Variants in DMXL1 observed in about 807,000 individuals in gnomAD.
DMXL1 encodes Dmx like 1.
DMXL1 carries 99 observed loss-of-function variants against 319.2 expected under a neutral mutation model. The ratio of observed to expected loss-of-function variants is 0.31; its 90% CI spans 0.26 to 0.37. The LOEUF (loss-of-function observed/expected upper bound fraction) is 0.37, where lower values mean the gene tolerates loss of function less well. DMXL1 is among the 10% of genes least tolerant of loss of function. The pLI, the probability that DMXL1 is intolerant of heterozygous loss-of-function variation, is 1.00. For missense variants in DMXL1, 3,745 were observed against 3,595.6 expected, an observed-to-expected ratio of 1.04 and a Z score of -1.06; for synonymous variants, 1,385 against 1,235.2, an observed-to-expected ratio of 1.12 and a Z score of -2.54.
chr5:119,207,558 G>C (rs1015851206), intron 34 of DMXL1, among the ~76,000 whole-genome samples: 2 of 152,074 alleles, frequency 1.3e-5, no homozygotes, highest in Non-Finnish European at 2.9e-5. Flanking sequence ...TCGCTCTTTT[G>C]CCCAGGCTGG....
At chr5:119,084,052 A>G (rs1752790665) in intron 1 of DMXL1, among the ~76,000 whole-genome samples, 1 of 151,554 alleles carries the variant, frequency 6.6e-6, no homozygotes, top group African/African-American at 2.4e-5. Context: ...GATGTTGAAC[A>G]TTTTTTCATA....
chr5:119,240,558 C>A, intron 42 of DMXL1, 87 bp downstream of exon 42: 1 of 978,074 alleles, frequency 1.0e-6, no homozygotes, highest in Non-Finnish European at 1.6e-6. Flanking sequence ...TTACTGATGA[C>A]ACATATATTT....
Position 119,220,480 on chromosome 5 carries a change from A to C in DMXL1, c.8022A>C (p.Arg2674Ser), listed in dbSNP as rs1784464212. Residue 2674 changes from arginine to serine, a missense_variant, in exon 36 of 44, where the codon AGA becomes AGC. Arg to Ser is a moderately radical substitution (Grantham distance 110). This residue lies in a region of DMXL1 where 1,382 missense variants were observed against 1,269.5 expected (regional missense o/e 1.09). Transcript: ENST00000539542. ...TTTGACTTATTTTTCAGGCAAATAG[A>C]AACTGCATAGCAATCGCTTCCAGTC... is the stretch of plus-strand genomic sequence containing the variant. ...ITAFAVNKAN[R>S]NCIAIASSHD... 1 of 1,612,990 alleles carries C rather than the reference A, an allele frequency of 6.2e-7. No homozygotes were observed. Among genetic ancestry groups the C allele is most frequent in the Non-Finnish European group, 8.5e-7 (1 of 1,179,686 alleles).
intron 34 of DMXL1, among the ~76,000 whole-genome samples, chr5:119,212,383 G>T (rs1195300193): frequency 6.6e-6 from 1 of 152,184 alleles, no homozygotes; most frequent in Non-Finnish European, 1.5e-5. Flanking sequence ...GCATGTGTCA[G>T]AATTTCCTTT....
At chr5:119,205,948 G>A (rs930649998) in intron 33 of DMXL1, among the ~76,000 whole-genome samples, 1 of 152,002 alleles carries the variant, frequency 6.6e-6, no homozygotes, top group Non-Finnish European at 1.5e-5. Flanking sequence ...TATTTTGGAT[G>A]GCAGGTGATG....
rs1194742005 is a variant in DMXL1 at position 119,129,227 on chromosome 5, A to G, written c.1119A>G (p.Pro373=). 9 of 1,609,610 alleles carry G rather than the reference A, an allele frequency of 5.6e-6. No individual in the cohort carries two copies. The highest frequency in any genetic ancestry group is 5.1e-6 in the Non-Finnish European group (6 of 1,177,638). The change falls in exon 10 of 44, where the codon CCA becomes CCG. Residue 373 remains proline (P), a synonymous_variant. Transcript: ENST00000539542. ...CTCTTATAGACATTCCACTTCTTCC[A>G]TCTATTACATCTCTGAGTCTAAATG... ...INPATDIPLL[P]SITSLSLNEN...
chr5:119,089,282 A>ATATATATATATATG, intron 1 of DMXL1, among the ~76,000 whole-genome samples: 1 of 22,994 alleles, frequency 4.3e-5, no homozygotes, highest in South Asian at 2.3e-3. Context: ...ATATACATAT[A>ATATATATATATATG]TATATATATA....
At chr5:119,128,085 A>C (rs1041912010) in intron 9 of DMXL1, 4 of 468,850 alleles carry the variant, frequency 8.5e-6, no homozygotes, top group African/African-American at 2.0e-5. Context: ...AACAATTACT[A>C]TTACCCATTG....
chr5:119,166,732 AT>A lies in DMXL1; in HGVS notation c.5089del (p.Ser1697LeufsTer7). 1 of 1,612,608 alleles carries A rather than the reference AT, an allele frequency of 6.2e-7. No homozygotes were observed. Among genetic ancestry groups the A allele is most frequent in the Non-Finnish European group, 8.5e-7 (1 of 1,179,472 alleles). ...TTGCTAGGCAAACAAAGATTTGAAC[AT>A]TCTGCAGCATTTTTTCTTTTAGCTG... is the stretch of plus-strand genomic sequence containing the variant. Reference protein sequence around the residue: ...FSLLGKQRFEHSAAFFLLAGC... With the variant: ...FSLLGKQRFEXSAAFFLLAGC... On this transcript the variant is annotated frameshift_variant, in exon 22 of 44. Transcript: ENST00000539542. LOFTEE classifies it high-confidence loss of function.
chr5:119,215,730 T>C lies in DMXL1; in HGVS notation c.7927-1171T>C, dbSNP rs144380332. On this transcript the variant is annotated intron_variant, in intron 34 of 43. Transcript: ENST00000539542. ...TATCAAAATTTTGCAGTAAGTAAAT[T>C]TATTGTATGCTGATTTCAGATAATT... Among the ~76,000 whole-genome samples, 232 of 152,282 alleles carry C rather than the reference T, an allele frequency of 1.5e-3. 1 individual carries two copies. The Middle Eastern group carries it at 0.02, about 13-fold the overall frequency.
intron 38 of DMXL1, 49 bp from the exon 39 acceptor site, chr5:119,233,291 C>T (rs753759826): frequency 3.2e-6 from 5 of 1,574,362 alleles, no homozygotes; most frequent in South Asian, 2.4e-5. Flanking sequence ...ATAACTTTTC[C>T]CAAAGATTCT....
Position 119,149,947 on chromosome 5 carries a change from C to G in DMXL1, c.4120C>G (p.Leu1374Val). ...TAATCATGAACGCCGCCTTAGGTCT[C>G]TCACAATCAGTGCTAGTGGAAGCAC... is the stretch of plus-strand genomic sequence containing the variant. ...ESNHERRLRS[L>V]TISASGSTTR... The change falls in exon 18 of 44, where the codon CTC becomes GTC. Residue 1374 changes from leucine to valine, a missense_variant. Transcript: ENST00000539542. 1 of 1,613,850 alleles carries G rather than the reference C, an allele frequency of 6.2e-7. No individual in the cohort carries two copies. The highest frequency in any genetic ancestry group is 8.5e-7 in the Non-Finnish European group (1 of 1,179,896).
At chr5:119,073,561 A>G (rs572744517) in intron 1 of DMXL1, among the ~76,000 whole-genome samples, 1 of 152,228 alleles carries the variant, frequency 6.6e-6, no homozygotes, top group African/African-American at 2.4e-5. Flanking sequence ...CTGTACCATC[A>G]TGTAGCTTGT....
Position 119,105,233 on chromosome 5 carries a change from A to T in DMXL1, c.339A>T (p.Ala113=). 6.2e-7 allele frequency: 1 copy of T among 1,613,100 alleles called. No individual in the cohort carries two copies. Among genetic ancestry groups the T allele is most frequent in the Non-Finnish European group, 8.5e-7 (1 of 1,179,268 alleles). Residue 113 remains alanine (A), a synonymous_variant, in exon 4 of 44, where the codon GCA becomes GCT. Transcript: ENST00000539542. ...KSGQFFLESI[A]HNITWDPTGS... ...GCCAATTTTTTCTGGAATCAATAGCACACAATATAACCTGGGATCCCACAG... is the reference window on the plus strand; with the variant it reads ...GCCAATTTTTTCTGGAATCAATAGCTCACAATATAACCTGGGATCCCACAG...
intron 21 of DMXL1, among the ~76,000 whole-genome samples, 195 bp downstream of exon 21, chr5:119,165,475 C>CA (rs914218951): frequency 3.9e-5 from 6 of 152,246 alleles, no homozygotes; most frequent in African/African-American, 1.4e-4. Context: ...CTGATGAGGT[C>CA]AGTTTAATTT....
intron 33 of DMXL1, among the ~76,000 whole-genome samples, chr5:119,203,807 TTTTATTTA>T (rs751148357): frequency 1.3e-5 from 2 of 151,988 alleles, no homozygotes; most frequent in African/African-American, 2.4e-5. Context: ...ACTGAAAATT[TTTTATTTA>T]TTTATTTATT....
At chr5:119,225,928 T>G (rs937619907) in intron 38 of DMXL1, among the ~76,000 whole-genome samples, 2 of 152,156 alleles carry the variant, frequency 1.3e-5, no homozygotes, top group East Asian at 3.8e-4. Context: ...TTAAATAATA[T>G]TATTCTACAT....
At chr5:119,125,052 C>T (rs905101487) in intron 9 of DMXL1, among the ~76,000 whole-genome samples, 2 of 152,088 alleles carry the variant, frequency 1.3e-5, no homozygotes, top group Admixed American at 6.5e-5. Context: ...ATTTAATCTC[C>T]TTTGCAATAG....
In DMXL1 at chr5:119,165,231, A is replaced by G. The variant is rs376883962; in HGVS notation, c.4921A>G (p.Ile1641Val). Residue 1641 changes from isoleucine (I) to valine (V), a missense_variant, in exon 21 of 44, where the codon ATT becomes GTT. Physicochemically the swap from Ile to Val is conservative, Grantham distance 29. Coordinates refer to ENST00000539542, the MANE Select transcript of DMXL1 (RefSeq NM_001290321.3). ...YRKNDPLDAAIFYLAMKKKAV... is the reference protein window; with the variant it reads ...YRKNDPLDAAVFYLAMKKKAV... ...AAAGAATGATCCTTTAGATGCTGCC[A>G]TTTTTTACCTTGCAATGAAAAAGAA... The G allele has an allele frequency of 6.4e-5, 103 of 1,605,642 alleles. No homozygotes were observed. Among genetic ancestry groups the G allele is most frequent in the Non-Finnish European group, 8.2e-5 (97 of 1,177,176 alleles).
Sources: allele counts gnomAD v4.1 joint callset (sites outside exome capture counted in the v4.1 genomes callset), GRCh38; gene constraint gnomAD v4.1.1; regional missense constraint gnomAD v4.1.1; transcripts MANE v1.5; gene names NCBI Gene and HGNC (gene_info 2026-07-23, HGNC 2026-07-21).